ABL2: variants seen among roughly 807,000 people sequenced by gnomAD.
The protein encoded by ABL2 is ABL proto-oncogene 2, non-receptor tyrosine kinase.
A neutral mutation model predicts 107.7 loss-of-function variants in ABL2; 49 were observed. That is an observed-to-expected ratio of 0.45 (90% CI 0.36 to 0.58). ABL2 has a LOEUF of 0.58. ABL2 is among the 20% of genes least tolerant of loss of function. ABL2 has a pLI of 0.00. For missense variants in ABL2, 1,245 were observed against 1,457.0 expected (o/e 0.85, Z 2.37); for synonymous variants, 549 against 548.6 (o/e 1.00, Z -0.01).
chr1:179,148,849 G>A (rs150338169), intron 1 of ABL2, among the ~76,000 whole-genome samples: 65 of 147,700 alleles, frequency 4.4e-4, no homozygotes, highest in Non-Finnish European at 1.5e-4. Flanking sequence ...GCAGTACGCC[G>A]AGATCATGCC....
intron 1 of ABL2, chr1:179,184,448 G>A: frequency 1.0e-6 from 1 of 984,570 alleles, no homozygotes; most frequent in South Asian, 1.4e-5. Context: ...TCTTTATCTG[G>A]TTTACTGACC....
intron 1 of ABL2, among the ~76,000 whole-genome samples, chr1:179,226,671 T>C (rs2124879624): frequency 6.6e-6 from 1 of 152,254 alleles, no homozygotes; most frequent in South Asian, 2.1e-4. Context: ...CACATTTAGC[T>C]CATACTATGT....
chr1:179,163,999 A>C (rs1040168694), intron 1 of ABL2, among the ~76,000 whole-genome samples: 5 of 152,188 alleles, frequency 3.3e-5, no homozygotes, highest in African/African-American at 1.2e-4. Flanking sequence ...CTGAAAGACA[A>C]AACTCTAGTG....
intron 1 of ABL2, among the ~76,000 whole-genome samples, chr1:179,175,375 C>A (rs1339927702): frequency 6.6e-6 from 1 of 152,198 alleles, no homozygotes; most frequent in Non-Finnish European, 1.5e-5. Flanking sequence ...TTACCCTTTT[C>A]CCTGGTCCCC....
chr1:179,112,189 A>C, intron 10 of ABL2, 120 bp downstream of exon 10: 1 of 773,636 alleles, frequency 1.3e-6, no homozygotes, highest in Non-Finnish European at 2.1e-6. Context: ...TGTAGTTAAA[A>C]GTTGAAACAG....
chr1:179,132,822 G>A (rs1036118383), intron 2 of ABL2, among the ~76,000 whole-genome samples: 57 of 150,912 alleles, frequency 3.8e-4, no homozygotes, highest in African/African-American at 9.0e-4. Flanking sequence ...GATTACAGGC[G>A]TGAGCCACCA....
At chr1:179,136,737 T>TAA (rs1553222258) in intron 1 of ABL2, among the ~76,000 whole-genome samples, 6 of 142,794 alleles carry the variant, frequency 4.2e-5, no homozygotes, top group Middle Eastern at 3.6e-3. Context: ...AATAAATAAA[T>TAA]AAATAAAAAT....
rs975893840 is a variant in ABL2 at position 179,104,277 on chromosome 1, C to T, written c.*3441G>A. ...AACTGAGGCTCCCAAGGTTAAATGA[C>T]TTGCCTTTTAGACTGGCATTAGAGC... On this transcript the variant is annotated 3_prime_UTR_variant, in exon 12 of 12. Transcript: ENST00000502732. The T allele has an allele frequency of 8.7e-6, 2 of 229,068 alleles. No individual in the cohort carries two copies. The highest frequency in any genetic ancestry group is 1.7e-5 in the Non-Finnish European group (2 of 115,544). 14.2% of individuals were successfully genotyped at this position (229,068 alleles called of 1,614,324 possible). A position where few individuals can be genotyped will look rare whatever the true frequency, so the allele number is the denominator to read the frequency against.
At chr1:179,141,204 T>C (rs1657556836) in intron 1 of ABL2, among the ~76,000 whole-genome samples, 1 of 151,524 alleles carries the variant, frequency 6.6e-6, no homozygotes, top group South Asian at 2.1e-4. Context: ...TGAGGTAGGA[T>C]TGTCTGAGCC....
At chr1:179,144,143 G>A (rs1328740691) in intron 1 of ABL2, among the ~76,000 whole-genome samples, 3 of 152,096 alleles carry the variant, frequency 2.0e-5, no homozygotes, top group Non-Finnish European at 4.4e-5. Flanking sequence ...TTTAATGTAT[G>A]ATCTACAAAA....
intron 1 of ABL2, among the ~76,000 whole-genome samples, chr1:179,212,940 G>A (rs1340026578): frequency 3.3e-5 from 5 of 151,248 alleles, no homozygotes; most frequent in African/African-American, 1.2e-4. Context: ...CAGCTACTTG[G>A]GAGGCTGAGG....
rs2102584945 is a variant in ABL2, at chr1:179,110,403, G to A, written c.1704C>T (p.Tyr568=). 6.2e-7 allele frequency: 1 copy of A among 1,614,160 alleles called. No homozygotes were observed. The highest frequency in any genetic ancestry group is 8.5e-7 in the Non-Finnish European group (1 of 1,180,034). ...RAASSSSVVP[Y]LPRLPILPSK... ...AAGGAAGTATAGGTAGCCGGGGCAGGTATGGAACAACAGATGACGAGGAGG... is the reference window on the plus strand; with the variant it reads ...AAGGAAGTATAGGTAGCCGGGGCAGATATGGAACAACAGATGACGAGGAGG... The change falls in exon 11 of 12, where the codon TAC becomes TAT. Residue 568 remains tyrosine (Y), a synonymous_variant. Coordinates refer to ENST00000502732, the MANE Select transcript of ABL2 (RefSeq NM_007314.4).
chr1:179,152,461 G>A (rs1032355540), intron 1 of ABL2, among the ~76,000 whole-genome samples: 1 of 152,192 alleles, frequency 6.6e-6, no homozygotes, highest in African/African-American at 2.4e-5. Flanking sequence ...TCCCTGAAGA[G>A]GAGCTCAGGT....
At chr1:179,225,014 A>G (rs947670366) in intron 1 of ABL2, among the ~76,000 whole-genome samples, 1 of 152,182 alleles carries the variant, frequency 6.6e-6, no homozygotes, top group Admixed American at 6.5e-5. Flanking sequence ...TGGCAGAGCA[A>G]GACCTTTCTC....
At chr1:179,153,260 T>A (rs1175803863) in intron 1 of ABL2, among the ~76,000 whole-genome samples, 1 of 152,130 alleles carries the variant, frequency 6.6e-6, no homozygotes, top group Non-Finnish European at 1.5e-5. Flanking sequence ...GTGAAGTCAT[T>A]CACATACAAT....
At chr1:179,180,250 T>A (rs1660293747) in intron 1 of ABL2, among the ~76,000 whole-genome samples, 1 of 152,220 alleles carries the variant, frequency 6.6e-6, no homozygotes, top group Non-Finnish European at 1.5e-5. Context: ...AGATTGGGAA[T>A]GCACCAAATT....
chr1:179,189,388 C>T (rs1660869479), intron 1 of ABL2, among the ~76,000 whole-genome samples: 1 of 152,218 alleles, frequency 6.6e-6, no homozygotes, highest in Non-Finnish European at 1.5e-5. Context: ...CCCACCTTGG[C>T]TTCCCAAAGT....
At chr1:179,184,572 TGAGGAG>T (rs965989685) in intron 1 of ABL2, 40 of 553,364 alleles carry the variant, frequency 7.2e-5, no homozygotes, top group Admixed American at 2.2e-4. Context: ...GAGGAGAAGA[TGAGGAG>T]GAGGAGGAGG....
At chr1:179,145,996 C>T (rs545974698) in intron 1 of ABL2, among the ~76,000 whole-genome samples, 2 of 151,290 alleles carry the variant, frequency 1.3e-5, no homozygotes, top group Admixed American at 1.3e-4. Flanking sequence ...CAGGTTCAAG[C>T]GATTCTCCTG....
Sources: gnomAD v4.1 joint callset for allele counts (sites outside exome capture counted in the v4.1 genomes callset) on GRCh38, gnomAD v4.1.1 for gene constraint, MANE v1.5 for transcripts, NCBI Gene and HGNC (gene_info 2026-07-23, HGNC 2026-07-21) for gene names.